Variants in PTPRD observed in about 807,000 individuals in gnomAD.
The protein encoded by PTPRD is protein tyrosine phosphatase receptor type D.
Under a neutral mutation model 214.5 loss-of-function variants are expected in PTPRD, and 34 were observed. The observed-to-expected ratio is 0.16, with a 90% CI of 0.12 to 0.21. PTPRD has a LOEUF of 0.21. Ranked by LOEUF, PTPRD falls within the 10% of genes least tolerant of loss-of-function variation. The pLI is 1.00. For missense variants in PTPRD, 2,545 were observed against 2,398.7 expected (o/e 1.06, Z -1.27); for synonymous variants, 1,128 against 845.7 (o/e 1.33, Z -5.79).
intron 3 of PTPRD, among the ~76,000 whole-genome samples, chr9:10,109,129 T>C (rs1470549607): frequency 6.6e-6 from 1 of 152,200 alleles, no homozygotes; most frequent in Non-Finnish European, 1.5e-5. Context: ...GTCAGCAAAG[T>C]TGATTCCTTA....
chr9:8,478,352 A>T (rs2096808350), intron 30 of PTPRD, among the ~76,000 whole-genome samples: 1 of 152,202 alleles, frequency 6.6e-6, no homozygotes, highest in African/African-American at 2.4e-5. Context: ...TTCCACAAAA[A>T]TCTTCTTGTT....
intron 11 of PTPRD, among the ~76,000 whole-genome samples, chr9:8,964,216 T>TTTTTTTTTTTTTTTA (rs2099176209): frequency 6.8e-6 from 1 of 147,500 alleles, no homozygotes; most frequent in Non-Finnish European, 1.5e-5. Context: ...TTTTTTTTTT[T>TTTTTTTTTTTTTTTA]TGCTGATTCA....
At chr9:10,531,243 C>T (rs62538044) in intron 2 of PTPRD, among the ~76,000 whole-genome samples, 20,118 of 152,094 alleles carry the variant, frequency 0.13, 1,478 homozygotes, top group Non-Finnish European at 0.17. Flanking sequence ...AGCCACTATG[C>T]CCGGCCAATG....
chr9:10,588,719 G>C (rs1357921406), intron 2 of PTPRD, among the ~76,000 whole-genome samples: 1 of 151,712 alleles, frequency 6.6e-6, no homozygotes, highest in African/African-American at 2.4e-5. Flanking sequence ...CTAAACAAGG[G>C]TCTGGAAGAC....
intron 2 of PTPRD, among the ~76,000 whole-genome samples, chr9:10,381,382 T>C (rs2097821969): frequency 6.6e-6 from 1 of 152,022 alleles, no homozygotes; most frequent in Non-Finnish European, 1.5e-5. Flanking sequence ...AGATTCATCA[T>C]TTCTATATTG....
intron 14 of PTPRD, among the ~76,000 whole-genome samples, chr9:8,602,475 T>C (rs1036792727): frequency 2.6e-5 from 4 of 152,182 alleles, no homozygotes; most frequent in Admixed American, 6.5e-5. Context: ...CCAGAGACCA[T>C]TGTTTCATGA....
At chr9:9,410,135 T>A (rs895202323) in intron 8 of PTPRD, among the ~76,000 whole-genome samples, 4 of 152,178 alleles carry the variant, frequency 2.6e-5, no homozygotes, top group Non-Finnish European at 4.4e-5. Flanking sequence ...AAAGACAGCA[T>A]CAGTTGCTTA....
intron 14 of PTPRD, among the ~76,000 whole-genome samples, chr9:8,542,368 C>A (rs2078693632): frequency 6.6e-6 from 1 of 151,806 alleles, no homozygotes; most frequent in South Asian, 2.1e-4. Context: ...CCGAGATAGC[C>A]CTGTGGCAAG....
intron 11 of PTPRD, among the ~76,000 whole-genome samples, chr9:8,987,205 G>T (rs1461345374): frequency 6.6e-6 from 1 of 152,056 alleles, no homozygotes; most frequent in Non-Finnish European, 1.5e-5. Context: ...AGTAGCATTA[G>T]GTTTCTGCTG....
intron 4 of PTPRD, among the ~76,000 whole-genome samples, chr9:9,948,818 C>A (rs1463727460): frequency 6.6e-6 from 1 of 151,248 alleles, no homozygotes; most frequent in South Asian, 2.1e-4. Context: ...GGTATAAGGG[C>A]AAAAAAGATT....
At chr9:8,351,575 G>T (rs754222828) in intron 39 of PTPRD, among the ~76,000 whole-genome samples, 4 of 151,768 alleles carry the variant, frequency 2.6e-5, no homozygotes, top group Non-Finnish European at 2.9e-5. Flanking sequence ...TCTAGCTCAG[G>T]AATACTGCCT....
At chr9:10,294,481 C>A (rs1358982673) in intron 3 of PTPRD, among the ~76,000 whole-genome samples, 1 of 148,598 alleles carries the variant, frequency 6.7e-6, no homozygotes, top group African/African-American at 2.6e-5. Flanking sequence ...AACTCAAAAG[C>A]CTTATTTTTT....
At chr9:10,520,933 G>A (rs910412809) in intron 2 of PTPRD, among the ~76,000 whole-genome samples, 1 of 151,462 alleles carries the variant, frequency 6.6e-6, no homozygotes. Context: ...AATGCATCTA[G>A]TTGCCAAGGT....
At chr9:9,289,489 G>C (rs1421366042) in intron 9 of PTPRD, among the ~76,000 whole-genome samples, 3 of 151,778 alleles carry the variant, frequency 2.0e-5, no homozygotes, top group African/African-American at 7.2e-5. Flanking sequence ...TTGCATGTGT[G>C]TGTGTGTCTG....
At chr9:10,116,775 G>T (rs944181725) in intron 3 of PTPRD, among the ~76,000 whole-genome samples, 5 of 151,952 alleles carry the variant, frequency 3.3e-5, no homozygotes, top group African/African-American at 4.8e-5. Flanking sequence ...GTAGCCTTTT[G>T]GATTCCACCA....
At chr9:9,608,420 A>T (rs1287518545) in intron 7 of PTPRD, among the ~76,000 whole-genome samples, 1 of 152,136 alleles carries the variant, frequency 6.6e-6, no homozygotes. Flanking sequence ...AGTAAGGGAA[A>T]ATTTCTATTC....
chr9:9,733,182 T>A (rs1034201078), intron 7 of PTPRD, among the ~76,000 whole-genome samples: 2 of 152,186 alleles, frequency 1.3e-5, no homozygotes, highest in Non-Finnish European at 2.9e-5. Context: ...GTCAACTTAT[T>A]CTTCACGTAT....
At chr9:10,436,528 A>G (rs895579178) in intron 2 of PTPRD, among the ~76,000 whole-genome samples, 2 of 151,834 alleles carry the variant, frequency 1.3e-5, no homozygotes, top group Non-Finnish European at 2.9e-5. Flanking sequence ...ATTTTGTTAT[A>G]TGTATACAGT....
chr9:9,167,537 C>T (rs560074008), intron 10 of PTPRD, among the ~76,000 whole-genome samples: 1 of 152,044 alleles, frequency 6.6e-6, no homozygotes, highest in African/African-American at 2.4e-5. Flanking sequence ...GGTGGATCAC[C>T]TGAGATCGGG....
Sources: gnomAD v4.1 joint callset for allele counts (sites outside exome capture counted in the v4.1 genomes callset) on GRCh38, gnomAD v4.1.1 for gene constraint, MANE v1.5 for transcripts, NCBI Gene and HGNC (gene_info 2026-07-23, HGNC 2026-07-21) for gene names.